ODR4: variants seen among roughly 807,000 people sequenced by gnomAD.
The protein encoded by ODR4 is odr-4 GPCR localization factor homolog, also known as protein odr-4 homolog.
In ODR4, 47 loss-of-function variants were observed where a neutral mutation model predicts 60.2. The observed-to-expected ratio is 0.78, with a 90% confidence interval of 0.62 to 1.00. The LOEUF is 1.00. Among genes scored for constraint, ODR4 ranks in the 50% least tolerant of loss-of-function variants. The pLI is 0.00. For synonymous variants in ODR4, 178 were observed against 175.5 expected, an observed-to-expected ratio of 1.01 and a Z score of -0.11; for missense variants, 488 against 530.8, an observed-to-expected ratio of 0.92 and a Z score of 0.79.
intron 13 of ODR4, among the ~76,000 whole-genome samples, chr1:186,418,512 A>G (rs1462158574): frequency 6.6e-6 from 1 of 152,130 alleles, no homozygotes; most frequent in African/African-American, 2.4e-5. Context: ...TACTATAATC[A>G]GGAAAAAATA....
chr1:186,418,439 C>T (rs929610086), intron 13 of ODR4, among the ~76,000 whole-genome samples: 2 of 151,856 alleles, frequency 1.3e-5, no homozygotes, highest in East Asian at 1.9e-4. Flanking sequence ...TACAGGCGCC[C>T]GCCACCGCGC....
rs1660359727 is a variant in ODR4, at chr1:186,389,127, A to G, written c.438-461A>G. Among the ~76,000 whole-genome samples, 3 of 151,556 alleles carry G rather than the reference A, an allele frequency of 2.0e-5. No homozygotes were observed. The South Asian group carries it at 6.2e-4, about 31-fold the overall frequency. On this transcript the variant is annotated intron_variant, in intron 5 of 13. Coordinates refer to ENST00000287859, the MANE Select transcript of ODR4 (RefSeq NM_017847.6). ...CAAAGACAGAATTTTAAAAGTGACC[A>G]TTCCTGCAGAAGCAGGGCTTTTTTT...
intron 9 of ODR4, among the ~76,000 whole-genome samples, chr1:186,395,651 C>G (rs774672800): frequency 3.9e-5 from 6 of 152,184 alleles, no homozygotes. Context: ...TAACTGGTCT[C>G]TCTTCATCTA....
chr1:186,398,609 T>G (rs578219359), intron 10 of ODR4, among the ~76,000 whole-genome samples, 168 bp downstream of exon 10: 1 of 152,226 alleles, frequency 6.6e-6, no homozygotes, highest in African/African-American at 2.4e-5. Flanking sequence ...GATTTTCATA[T>G]GTAGAGTATC....
At chr1:186,382,857 T>A (rs1246536918) in intron 2 of ODR4, among the ~76,000 whole-genome samples, 165 bp from the exon 3 acceptor site, 1 of 152,332 alleles carries the variant, frequency 6.6e-6, no homozygotes, top group Admixed American at 6.5e-5. Flanking sequence ...CCTTGAAAAT[T>A]AGCTTCCCTT....
chr1:186,398,284 T>G (rs754562688), intron 9 of ODR4, 29 bp from the exon 10 acceptor site: 1 of 1,541,204 alleles, frequency 6.5e-7, no homozygotes, highest in Non-Finnish European at 8.8e-7. Context: ...TTGTTGGTTA[T>G]TAGAACTTAA....
intron 13 of ODR4, among the ~76,000 whole-genome samples, chr1:186,418,444 C>T (rs1487899089): frequency 2.0e-5 from 3 of 151,980 alleles, no homozygotes; most frequent in African/African-American, 7.2e-5. Context: ...GCGCCCGCCA[C>T]CGCGCCCGGC....
chr1:186,386,328 T>C (rs570752597), intron 4 of ODR4, among the ~76,000 whole-genome samples: 2 of 152,276 alleles, frequency 1.3e-5, no homozygotes, highest in South Asian at 4.1e-4. Flanking sequence ...ATTCTTTATT[T>C]AGTACACTAC....
At chr1:186,434,222 T>C in the ODR4 span, among the ~76,000 whole-genome samples, 1 of 152,174 alleles carries the variant, frequency 6.6e-6, no homozygotes, top group Non-Finnish European at 1.5e-5. Flanking sequence ...CTGATATTAA[T>C]TGATACTTGC....
intron 12 of ODR4, among the ~76,000 whole-genome samples, chr1:186,408,553 A>C (rs1661255421): frequency 6.7e-6 from 1 of 149,860 alleles, no homozygotes; most frequent in Non-Finnish European, 1.5e-5. Context: ...TACATACATA[A>C]ACATGTAATA....
chr1:186,406,141 C>A lies in ODR4; in HGVS notation c.1059C>A (p.Ser353=), dbSNP rs775964099. The part of the protein sequence containing the change: ...PYRVFVPLPG[S]TVMLCDYKFD... ...GAGTCTTTGTTCCCCTTCCTGGATC[C>A]ACTGTAATGTTGTGTGATTATAAAT... The change falls in exon 12 of 14, where the codon TCC becomes TCA. Residue 353 remains serine (S), a synonymous_variant. Coordinates refer to ENST00000287859, the MANE Select transcript of ODR4 (RefSeq NM_017847.6). The A allele has an allele frequency of 6.2e-7, 1 of 1,607,156 alleles. No individual in the cohort carries two copies. Among genetic ancestry groups the A allele is most frequent in the Non-Finnish European group, 8.5e-7 (1 of 1,176,708 alleles).
At chr1:186,402,187 A>ATTTCT (rs369476087) in intron 11 of ODR4, among the ~76,000 whole-genome samples, 30 of 135,528 alleles carry the variant, frequency 2.2e-4, no homozygotes, top group African/African-American at 8.5e-4. Flanking sequence ...TAGGCATCCT[A>ATTTCT]TTCTTTCTTT....
the ODR4 span, among the ~76,000 whole-genome samples, chr1:186,432,106 C>T: frequency 6.6e-6 from 1 of 152,076 alleles, no homozygotes; most frequent in East Asian, 1.9e-4. Flanking sequence ...TCATATATGG[C>T]TTGGAGGTGG....
intron 13 of ODR4, among the ~76,000 whole-genome samples, chr1:186,418,651 T>C (rs1257210853): frequency 5.9e-5 from 9 of 152,244 alleles, no homozygotes; most frequent in Non-Finnish European, 1.0e-4. Context: ...TACTGCCTAC[T>C]GGAGCTGCCG....
intron 9 of ODR4, 45 bp from the exon 10 acceptor site, chr1:186,398,268 T>A: frequency 6.7e-7 from 1 of 1,501,782 alleles, no homozygotes; most frequent in Non-Finnish European, 8.9e-7. Flanking sequence ...TTCCTGTAGT[T>A]AATCATTGTT....
chr1:186,384,877 T>C (rs1660194708), intron 3 of ODR4, among the ~76,000 whole-genome samples: 1 of 152,128 alleles, frequency 6.6e-6, no homozygotes, highest in Non-Finnish European at 1.5e-5. Flanking sequence ...GATTAGAGCA[T>C]GGTACCTAAT....
intron 12 of ODR4, among the ~76,000 whole-genome samples, chr1:186,412,047 CAAGT>C (rs796192328): frequency 2.2e-4 from 33 of 152,216 alleles, no homozygotes; most frequent in African/African-American, 7.7e-4. Flanking sequence ...ACATGGATCT[CAAGT>C]GAGTGACTGA....
At chr1:186,377,019 C>T (rs1031033027) in intron 1 of ODR4, among the ~76,000 whole-genome samples, 7 of 152,156 alleles carry the variant, frequency 4.6e-5, no homozygotes, top group Admixed American at 2.0e-4. Context: ...ATCCGTGGGG[C>T]ATTGGTTCCA....
At chr1:186,390,515 T>G (rs1323753934) in intron 6 of ODR4, among the ~76,000 whole-genome samples, 196 bp from the exon 7 acceptor site, 3 of 152,224 alleles carry the variant, frequency 2.0e-5, no homozygotes, top group African/African-American at 7.2e-5. Flanking sequence ...AAGGATGTAT[T>G]GAAGAGTACT....
Sources: gnomAD v4.1 joint callset for allele counts (sites outside exome capture counted in the v4.1 genomes callset) on GRCh38, gnomAD v4.1.1 for gene constraint, MANE v1.5 for transcripts, NCBI Gene and HGNC (gene_info 2026-07-23, HGNC 2026-07-21) for gene names.